SIPA1L1: variants seen among roughly 807,000 people sequenced by gnomAD.
The protein encoded by SIPA1L1 is signal-induced proliferation-associated 1-like protein 1.
SIPA1L1 carries 26 observed loss-of-function variants against 162.7 expected under a neutral mutation model. The observed-to-expected ratio is 0.16, with a 90% CI of 0.12 to 0.22. The LOEUF (loss-of-function observed/expected upper bound fraction) is 0.22, where lower values mean the gene tolerates loss of function less well. Ranked by LOEUF, SIPA1L1 falls within the 10% of genes least tolerant of loss-of-function variation. The pLI is 1.00. For missense variants in SIPA1L1, 1,874 were observed against 2,241.0 expected, an observed-to-expected ratio of 0.84 and a Z score of 3.31; for synonymous variants, 829 against 837.4, an observed-to-expected ratio of 0.99 and a Z score of 0.17.
At chr14:71,323,620 G>A (rs1283663540) in intron 2 of SIPA1L1, among the ~76,000 whole-genome samples, 1 of 152,128 alleles carries the variant, frequency 6.6e-6, no homozygotes, top group Non-Finnish European at 1.5e-5. Flanking sequence ...CTAGAGCGCT[G>A]ATAGAGCACA....
intron 7 of SIPA1L1, among the ~76,000 whole-genome samples, chr14:71,624,967 C>G (rs941391154): frequency 1.4e-4 from 21 of 152,078 alleles, no homozygotes; most frequent in African/African-American, 5.1e-4. Context: ...TATACTCTTA[C>G]TTTAATTCTT....
intron 2 of SIPA1L1, among the ~76,000 whole-genome samples, chr14:71,414,481 C>T (rs1228487440): frequency 1.3e-5 from 2 of 152,174 alleles, no homozygotes; most frequent in Non-Finnish European, 2.9e-5. Context: ...CTGGCTTTTC[C>T]CTTTTTGAAG....
At chr14:71,612,633 G>A (rs1241600519) in intron 5 of SIPA1L1, among the ~76,000 whole-genome samples, 1 of 152,104 alleles carries the variant, frequency 6.6e-6, no homozygotes, top group East Asian at 1.9e-4. Context: ...GATAACCAGT[G>A]CAAGTGACAA....
intron 4 of SIPA1L1, among the ~76,000 whole-genome samples, chr14:71,536,675 G>A (rs1482598582): frequency 3.3e-5 from 5 of 152,198 alleles, no homozygotes; most frequent in African/African-American, 9.6e-5. Context: ...AAGATCTTTT[G>A]GTTATACAAC....
chr14:71,583,239 C>T (rs187346143), intron 4 of SIPA1L1, among the ~76,000 whole-genome samples: 40 of 152,310 alleles, frequency 2.6e-4, no homozygotes, highest in African/African-American at 9.1e-4. Context: ...CATCTGCCTG[C>T]CTTGGCCTTC....
At chr14:71,548,122 G>T (rs1283530843) in intron 4 of SIPA1L1, among the ~76,000 whole-genome samples, 1 of 152,156 alleles carries the variant, frequency 6.6e-6, no homozygotes, top group Non-Finnish European at 1.5e-5. Context: ...GTTATGTGAG[G>T]CATTGTTTAG....
chr14:71,492,062 T>C (rs1398891767), intron 2 of SIPA1L1, among the ~76,000 whole-genome samples: 1 of 152,166 alleles, frequency 6.6e-6, no homozygotes, highest in Non-Finnish European at 1.5e-5. Flanking sequence ...GTAGCTAGCA[T>C]TGGCCGAGAT....
At chr14:71,381,931 A>G (rs1407597107) in intron 2 of SIPA1L1, among the ~76,000 whole-genome samples, 1 of 152,176 alleles carries the variant, frequency 6.6e-6, no homozygotes, top group African/African-American at 2.4e-5. Flanking sequence ...ATGGGGTAGT[A>G]CTGTCTGAGT....
At chr14:71,508,000 C>T (rs145742319) in intron 2 of SIPA1L1, among the ~76,000 whole-genome samples, 3 of 152,218 alleles carry the variant, frequency 2.0e-5, no homozygotes, top group African/African-American at 4.8e-5. Context: ...GCAAGTGGGA[C>T]GATAGAGGGT....
intron 7 of SIPA1L1, among the ~76,000 whole-genome samples, chr14:71,626,754 G>T (rs1321030628): frequency 6.6e-6 from 1 of 151,916 alleles, no homozygotes; most frequent in Non-Finnish European, 1.5e-5. Context: ...TTTTATATTT[G>T]GTTTAAATGA....
chr14:71,501,961 A>G (rs2050251886), intron 2 of SIPA1L1, among the ~76,000 whole-genome samples: 1 of 150,174 alleles, frequency 6.7e-6, no homozygotes, highest in Non-Finnish European at 1.5e-5. Flanking sequence ...TGGGAGGGCC[A>G]CTTGAACCCG....
intron 16 of SIPA1L1, among the ~76,000 whole-genome samples, chr14:71,707,692 T>C (rs754466018): frequency 1.4e-4 from 21 of 152,214 alleles, no homozygotes; most frequent in Non-Finnish European, 2.8e-4. Context: ...TATTTTTTAA[T>C]CCATATATTA....
intron 2 of SIPA1L1, among the ~76,000 whole-genome samples, chr14:71,351,842 A>G (rs954014543): frequency 6.6e-6 from 1 of 152,096 alleles, no homozygotes; most frequent in Non-Finnish European, 1.5e-5. Context: ...AGTGCCTACT[A>G]TCTTCCAGGT....
Position 71,709,725 on chromosome 14 carries a change from C to A in SIPA1L1, c.4208+61C>A. The A allele has an allele frequency of 4.9e-6, 7 of 1,437,944 alleles. No individual in the cohort carries two copies. The South Asian group carries it at 9.2e-5, about 19-fold the overall frequency. The allele number at this position is 1,437,944 out of a possible 1,614,324, so 89.1% of individuals were successfully genotyped here. ...AGACCTAAGCCCAGTTCCCTGGCCT[C>A]AGCCCACTTTACTTTGCTCAATAGT... is the stretch of plus-strand genomic sequence containing the variant. On this transcript the variant is annotated intron_variant, in intron 17 of 23. Transcript: ENST00000381232.
chr14:71,704,865 A>G (rs2082331009), intron 15 of SIPA1L1: 3 of 909,372 alleles, frequency 3.3e-6, no homozygotes, highest in South Asian at 2.8e-5. Flanking sequence ...AAGCTAGGTT[A>G]GCCACACTTG....
At chr14:71,735,963 T>C (rs1314677803) in intron 22 of SIPA1L1, among the ~76,000 whole-genome samples, 1 of 152,240 alleles carries the variant, frequency 6.6e-6, no homozygotes, top group Non-Finnish European at 1.5e-5. Context: ...TGTTTTCCCC[T>C]TAGTTTCAAA....
chr14:71,354,608 A>AGCAC (rs1443153110), intron 2 of SIPA1L1, among the ~76,000 whole-genome samples: 1 of 151,660 alleles, frequency 6.6e-6, no homozygotes, highest in Non-Finnish European at 1.5e-5. Context: ...AAAAAAAAAG[A>AGCAC]CTGTGTGTGC....
chr14:71,522,437 A>T (rs980011466), intron 3 of SIPA1L1, among the ~76,000 whole-genome samples: 1 of 152,096 alleles, frequency 6.6e-6, no homozygotes, highest in African/African-American at 2.4e-5. Context: ...TTGGGACCAG[A>T]AGTGTTTTGG....
At chr14:71,475,766 G>A (rs1567074753) in intron 2 of SIPA1L1, among the ~76,000 whole-genome samples, 1 of 152,224 alleles carries the variant, frequency 6.6e-6, no homozygotes, top group Non-Finnish European at 1.5e-5. Flanking sequence ...GGCGCAGTCA[G>A]TGAAAGTGGA....
Sources: gnomAD v4.1 joint callset for allele counts (sites outside exome capture counted in the v4.1 genomes callset) on GRCh38, gnomAD v4.1.1 for gene constraint, MANE v1.5 for transcripts, NCBI Gene and HGNC (gene_info 2026-07-23, HGNC 2026-07-21) for gene names.